BMPR2: variants seen among roughly 807,000 people sequenced by gnomAD.
The protein encoded by BMPR2 is bone morphogenetic protein receptor type 2.
BMPR2 carries 29 observed loss-of-function variants against 100.8 expected under a neutral mutation model. The ratio of observed to expected loss-of-function variants is 0.29; its 90% CI spans 0.21 to 0.39. BMPR2 has a LOEUF of 0.39. Among genes scored for constraint, BMPR2 ranks in the 10% least tolerant of loss-of-function variants. The pLI is 1.00. For synonymous variants in BMPR2, 382 were observed against 442.3 expected, an observed-to-expected ratio of 0.86 and a Z score of 1.71; for missense variants, 1,011 against 1,274.5, an observed-to-expected ratio of 0.79 and a Z score of 3.15.
intron 1 of BMPR2, among the ~76,000 whole-genome samples, chr2:202,419,911 G>A (rs1175110349): frequency 6.6e-6 from 1 of 152,096 alleles, no homozygotes; most frequent in Admixed American, 6.6e-5. Flanking sequence ...CACTTTGGGT[G>A]GCCAACGCAG....
intron 1 of BMPR2, among the ~76,000 whole-genome samples, chr2:202,383,938 G>A (rs750529283): frequency 3.2e-4 from 49 of 152,160 alleles, no homozygotes; most frequent in Non-Finnish European, 6.0e-4. Context: ...TTGGGAGGCC[G>A]AGGCTGGTGG....
intron 3 of BMPR2, among the ~76,000 whole-genome samples, chr2:202,498,308 G>T (rs1429765739): frequency 6.6e-6 from 1 of 152,180 alleles, no homozygotes; most frequent in Non-Finnish European, 1.5e-5. Flanking sequence ...CACTAAATCC[G>T]ACCTTCCTCC....
intron 1 of BMPR2, among the ~76,000 whole-genome samples, chr2:202,381,847 A>C (rs935679425): frequency 6.6e-6 from 1 of 152,120 alleles, no homozygotes; most frequent in African/African-American, 2.4e-5. Flanking sequence ...AACTGTTCAC[A>C]CAAGACAAAA....
chr2:202,440,783 C>T lies in BMPR2; in HGVS notation c.77-24026C>T, dbSNP rs112600409. Among the ~76,000 whole-genome samples, 1,066 of 149,260 alleles carry T rather than the reference C, an allele frequency of 7.1e-3. 111 individuals carry two copies. Among genetic ancestry groups the T allele is most frequent in the African/African-American group, 0.025 (984 of 39,030 alleles). On this transcript the variant is annotated intron_variant, in intron 1 of 12. Transcript: ENST00000374580. ...CCTTGGCTTGGCATCAGAGGGAGAC[C>T]GGGGAGACCGGGGAGACCGGGGAGA...
At chr2:202,536,600 C>T (rs1182439366) in intron 9 of BMPR2, among the ~76,000 whole-genome samples, 7 of 148,754 alleles carry the variant, frequency 4.7e-5, no homozygotes, top group Non-Finnish European at 5.9e-5. Flanking sequence ...TGGCCGGGTG[C>T]GGTGGCTCAC....
At chr2:202,397,771 A>G (rs1453646123) in intron 1 of BMPR2, among the ~76,000 whole-genome samples, 1 of 150,716 alleles carries the variant, frequency 6.6e-6, no homozygotes, top group Non-Finnish European at 1.5e-5. Flanking sequence ...AAGTGCTGGG[A>G]TTATAGACGT....
chr2:202,413,571 A>G (rs918963311), intron 1 of BMPR2, among the ~76,000 whole-genome samples: 1 of 152,204 alleles, frequency 6.6e-6, no homozygotes, highest in African/African-American at 2.4e-5. Context: ...CAATAACTAT[A>G]TAGAACATAC....
At chr2:202,440,943 A>G (rs975539870) in intron 1 of BMPR2, among the ~76,000 whole-genome samples, 1 of 150,352 alleles carries the variant, frequency 6.7e-6, no homozygotes, top group African/African-American at 2.5e-5. Context: ...ATTGACTAGT[A>G]TTTATTTGCT....
chr2:202,409,147 C>A (rs1380485477), intron 1 of BMPR2, among the ~76,000 whole-genome samples: 1 of 152,174 alleles, frequency 6.6e-6, no homozygotes, highest in Non-Finnish European at 1.5e-5. Flanking sequence ...GAGTTTGAGA[C>A]CAGCCTGGGC....
intron 7 of BMPR2, 76 bp downstream of exon 7, chr2:202,520,277 A>G: frequency 1.1e-6 from 1 of 926,544 alleles, no homozygotes. Flanking sequence ...TTATATCTTC[A>G]AAGTAAAAGT....
chr2:202,443,532 C>G (rs1310604092), intron 1 of BMPR2, among the ~76,000 whole-genome samples: 1 of 149,674 alleles, frequency 6.7e-6, no homozygotes, highest in Admixed American at 6.6e-5. Flanking sequence ...CTTTCTTTCT[C>G]TCTCTCTTTC....
At chr2:202,534,884 GGCTGGCCGGGCGGGGGGCT>G (rs1559067807) in intron 9 of BMPR2, among the ~76,000 whole-genome samples, 18 of 146,204 alleles carry the variant, frequency 1.2e-4, no homozygotes, top group Middle Eastern at 3.7e-3. Context: ...CGGACGGGGC[GGCTGGCCGGGCGGGGGGCT>G]GACCCCCCCA....
chr2:202,556,667 C>CG, intron 12 of BMPR2, 136 bp downstream of exon 12: 1 of 1,165,226 alleles, frequency 8.6e-7, no homozygotes, highest in South Asian at 1.3e-5. Flanking sequence ...CCATTTGAGG[C>CG]GGGGCACAGT....
chr2:202,496,598 T>C (rs932915157), intron 3 of BMPR2, among the ~76,000 whole-genome samples: 2 of 152,248 alleles, frequency 1.3e-5, no homozygotes, highest in African/African-American at 2.4e-5. Context: ...CACATTTATA[T>C]TGAAAATCCA....
At chr2:202,401,754 G>C (rs1397259394) in intron 1 of BMPR2, among the ~76,000 whole-genome samples, 1 of 152,140 alleles carries the variant, frequency 6.6e-6, no homozygotes, top group Non-Finnish European at 1.5e-5. Flanking sequence ...TCAGATTAAG[G>C]AATCATGCAG....
rs1691296331 is a variant in BMPR2, at chr2:202,422,809, T to TGTAATCCTGAATA, written c.77-41999_77-41998insTAATCCTGAATAG. On this transcript the variant is annotated intron_variant, in intron 1 of 12. Coordinates refer to ENST00000374580, the MANE Select transcript of BMPR2 (RefSeq NM_001204.7). ...CTCCTGCCTCAGCCTCCTGAATAGC[T>TGTAATCCTGAATA]GGGATTACAGGTACATGTCACCACA... Among the ~76,000 whole-genome samples, 5 of 152,146 alleles carry TGTAATCCTGAATA rather than the reference T, an allele frequency of 3.3e-5. 2 individuals are homozygous for TGTAATCCTGAATA. The South Asian group carries it at 1.0e-3, about 32-fold the overall frequency.
At chr2:202,423,897 A>G (rs770059378) in intron 1 of BMPR2, among the ~76,000 whole-genome samples, 1 of 151,966 alleles carries the variant, frequency 6.6e-6, no homozygotes, top group East Asian at 1.9e-4. Flanking sequence ...TCTACTAAAT[A>G]TACAAAAATT....
intron 3 of BMPR2, chr2:202,469,530 A>G (rs1355511533): frequency 6.1e-6 from 2 of 326,602 alleles, no homozygotes; most frequent in East Asian, 2.2e-4. Context: ...CCCTGGCTAG[A>G]GTACAGTGGC....
chr2:202,416,961 C>T (rs571489680), intron 1 of BMPR2, among the ~76,000 whole-genome samples: 4 of 148,360 alleles, frequency 2.7e-5, no homozygotes, highest in East Asian at 4.0e-4. Flanking sequence ...CTCAGCCTCC[C>T]GAGTAGTTGG....
Sources: gnomAD v4.1 joint callset for allele counts (sites outside exome capture counted in the v4.1 genomes callset) on GRCh38, gnomAD v4.1.1 for gene constraint, MANE v1.5 for transcripts, NCBI Gene and HGNC (gene_info 2026-07-23, HGNC 2026-07-21) for gene names.